ACOT11: variants seen among roughly 807,000 people sequenced by gnomAD.
The protein encoded by ACOT11 is acyl-coenzyme A thioesterase 11.
A neutral mutation model predicts 77.5 loss-of-function variants in ACOT11; 69 were observed. The ratio of observed to expected loss-of-function variants is 0.89; its 90% confidence interval spans 0.73 to 1.09. ACOT11 has a LOEUF of 1.09. ACOT11 is among the 50% of genes least tolerant of loss of function. ACOT11 has a pLI of 0.00. For missense variants in ACOT11, 766 were observed against 813.7 expected, an observed-to-expected ratio of 0.94 and a Z score of 0.71; for synonymous variants, 279 against 313.0, an observed-to-expected ratio of 0.89 and a Z score of 1.15.
chr1:54,602,518 C>G lies in ACOT11; in HGVS notation c.1030-151C>G. On this transcript the variant is annotated intron_variant, in intron 9 of 15. Coordinates refer to ENST00000343744, the MANE Select transcript of ACOT11 (RefSeq NM_147161.4). ...GCTGGGGCTACAGCTTAGTTTCCCACTTTGCTGGCCAGGATGTTTTGATTC... is the reference window on the plus strand; with the variant it reads ...GCTGGGGCTACAGCTTAGTTTCCCAGTTTGCTGGCCAGGATGTTTTGATTC... 4.3e-6 allele frequency: 3 copies of G among 695,652 alleles called. No individual in the cohort carries two copies. The South Asian group carries it at 8.9e-5, about 21-fold the overall frequency. The allele number at this position is 695,652 out of a possible 1,614,324, so 43.1% of individuals were successfully genotyped here.
chr1:54,612,846 C>G (rs922393251), downstream of ACOT11: 3 of 658,194 alleles, frequency 4.6e-6, no homozygotes, highest in Non-Finnish European at 7.8e-6. Flanking sequence ...TCCCAAAGGA[C>G]AGAATGGCTT....
At chr1:54,574,218 C>T (rs1436454938) in intron 1 of ACOT11, among the ~76,000 whole-genome samples, 2 of 152,190 alleles carry the variant, frequency 1.3e-5, no homozygotes, top group Non-Finnish European at 2.9e-5. Flanking sequence ...AAGGCAGGGA[C>T]AGCGCCCAAA....
Position 54,609,954 on chromosome 1 carries a change from GCAGAGGCAA to G in ACOT11, c.*846_*854del. 6.3e-7 allele frequency: 1 copy of G among 1,596,788 alleles called. No individual in the cohort carries two copies. Among genetic ancestry groups the G allele is most frequent in the Non-Finnish European group, 8.5e-7 (1 of 1,175,924 alleles). The stretch of plus-strand genomic sequence containing the variant: ...ATGCCTTCTGTGTCTGGAAGAGGCG[GCAGAGGCAA>G]CAGTGTTTAGGATTTGGGTTATCAT... On this transcript the variant is annotated 3_prime_UTR_variant, in exon 16 of 16. Transcript: ENST00000343744.
intron 1 of ACOT11, among the ~76,000 whole-genome samples, chr1:54,558,200 T>C (rs1324122190): frequency 6.6e-6 from 1 of 152,204 alleles, no homozygotes; most frequent in Non-Finnish European, 1.5e-5. Flanking sequence ...GCCTGTTTCC[T>C]GGAGCTGACA....
intron 15 of ACOT11, 152 bp from the exon 16 acceptor site, chr1:54,608,805 T>C (rs149885851): frequency 5.4e-6 from 4 of 734,974 alleles, no homozygotes; most frequent in Non-Finnish European, 9.1e-6. Context: ...AACTGTGTAA[T>C]CTAAGACCCT....
At position 54,609,092 on chromosome 1, in the gene ACOT11, CCCAGCCT is replaced by C. The variant is rs1253030015; in HGVS notation, c.1770_1776del (p.Ser590ArgfsTer46). The C allele has an allele frequency of 5.0e-6, 8 of 1,614,040 alleles. No individual in the cohort carries two copies. In the African/African-American group the frequency reaches 1.1e-4, roughly 22 times the overall value. ...CTTGGACAACCGGAATGATCTGGCC[CCCAGCCT>C]CCAGACCCTCTAGATGCCCTCAGTG... On this transcript the variant is annotated frameshift_variant, in exon 16 of 16. Transcript: ENST00000343744. LOFTEE classifies it high-confidence loss of function.
chr1:54,612,585 A>G, downstream of ACOT11: 1 of 1,614,080 alleles, frequency 6.2e-7, no homozygotes, highest in Non-Finnish European at 8.5e-7. Context: ...TCCTCCCACC[A>G]GCTCGTGCAT....
At chr1:54,587,015 C>G (rs916816068) in intron 3 of ACOT11, among the ~76,000 whole-genome samples, 2 of 152,166 alleles carry the variant, frequency 1.3e-5, no homozygotes, top group African/African-American at 4.8e-5. Flanking sequence ...AGAAGATTGG[C>G]CAGTCCCTGT....
chr1:54,585,640 CGAAAA>C, intron 2 of ACOT11, among the ~76,000 whole-genome samples, 190 bp from the exon 3 acceptor site: 1 of 152,044 alleles, frequency 6.6e-6, no homozygotes, highest in Admixed American at 6.6e-5. Context: ...AGTAGACAGA[CGAAAA>C]GCAGATATAC....
chr1:54,586,037 G>A (rs1654487449), intron 3 of ACOT11, 133 bp downstream of exon 3: 17 of 887,798 alleles, frequency 1.9e-5, no homozygotes, highest in Non-Finnish European at 2.9e-5. Flanking sequence ...ATGAGGTGGG[G>A]GCAGCCTCTG....
At chr1:54,573,043 G>A in intron 1 of ACOT11, 4 of 985,458 alleles carry the variant, frequency 4.1e-6, no homozygotes, top group Non-Finnish European at 4.8e-6. Flanking sequence ...GCTGGAAAAG[G>A]GTACTGACAC....
At chr1:54,611,621 A>G (rs1240180196), downstream of ACOT11, 8 of 1,613,798 alleles carry the variant, frequency 5.0e-6, no homozygotes, top group Non-Finnish European at 6.8e-6. Context: ...AGCTGCTTGA[A>G]CTGTGACAGG....
chr1:54,601,180 C>T, intron 8 of ACOT11, 89 bp from the exon 9 acceptor site: 2 of 1,479,806 alleles, frequency 1.4e-6, no homozygotes, highest in South Asian at 2.5e-5. Flanking sequence ...CGCATGTGTG[C>T]ATGTGTGTGT....
intron 15 of ACOT11, among the ~76,000 whole-genome samples, chr1:54,623,108 G>A (rs111956488): frequency 0.013 from 1,981 of 151,890 alleles, 31 homozygotes; most frequent in South Asian, 0.024. Context: ...CCTGGGAGGC[G>A]GAGGTTGCAG....
downstream of ACOT11, among the ~76,000 whole-genome samples, chr1:54,614,051 G>A (rs559265852): frequency 3.9e-4 from 60 of 152,266 alleles, 1 homozygote; most frequent in South Asian, 0.012. Context: ...ACAGTTCTGG[G>A]ACACATAATA....
intron 15 of ACOT11, among the ~76,000 whole-genome samples, chr1:54,608,746 T>C (rs1655531): frequency 0.99 from 151,385 of 152,234 alleles, 75,275 homozygotes; most frequent in South Asian, 1. Flanking sequence ...GGGTTGTCAG[T>C]GCCCGAGGAA....
intron 15 of ACOT11, among the ~76,000 whole-genome samples, chr1:54,622,422 A>C (rs1644239310): frequency 6.6e-6 from 1 of 152,132 alleles, no homozygotes; most frequent in Non-Finnish European, 1.5e-5. Flanking sequence ...TACTAAAAAT[A>C]CAAAAATTAG....
downstream of ACOT11, chr1:54,610,343 T>C (rs937699631): frequency 6.3e-7 from 1 of 1,576,362 alleles, no homozygotes; most frequent in Non-Finnish European, 8.6e-7. Context: ...AGACCGGCGG[T>C]ACCTGCCCCA....
rs571004626 is a variant in ACOT11 at position 54,594,655 on chromosome 1, A to G, written c.571A>G (p.Ile191Val). 59 of 1,613,892 alleles carry G rather than the reference A, an allele frequency of 3.7e-5. 1 individual carries two copies. In the South Asian group the frequency reaches 6.0e-4, roughly 17 times the overall value. ...CATGCGCCTTGTCTATGCAGACACCATCAAGGACCTCCTGGCCAACTGCGC... is the reference window on the plus strand; with the variant it reads ...CATGCGCCTTGTCTATGCAGACACCGTCAAGGACCTCCTGGCCAACTGCGC... Reference protein sequence around the residue: ...RRMRLVYADTIKDLLANCAIQ... With the variant: ...RRMRLVYADTVKDLLANCAIQ... The change falls in exon 6 of 16, where the codon ATC becomes GTC. Residue 191 changes from isoleucine (I) to valine (V), a missense_variant. Ile to Val is a conservative substitution (Grantham distance 29). Coordinates refer to ENST00000343744, the MANE Select transcript of ACOT11 (RefSeq NM_147161.4).
Sources: allele counts gnomAD v4.1 joint callset (sites outside exome capture counted in the v4.1 genomes callset), GRCh38; gene constraint gnomAD v4.1.1; transcripts MANE v1.5; gene names NCBI Gene and HGNC (gene_info 2026-07-23, HGNC 2026-07-21).